MID1: variants seen among roughly 807,000 people sequenced by gnomAD.
MID1 encodes the protein E3 ubiquitin-protein ligase Midline-1.
A neutral mutation model predicts 40.4 loss-of-function variants in MID1; 7 were observed. The ratio of observed to expected loss-of-function variants is 0.17; its 90% CI spans 0.10 to 0.33. The LOEUF (loss-of-function observed/expected upper bound fraction) is 0.33. Among genes scored for constraint, MID1 ranks in the 10% least tolerant of loss-of-function variants. The pLI, the probability that MID1 is intolerant of heterozygous loss-of-function variation, is 1.00. For missense variants in MID1, 367 were observed against 558.5 expected, an observed-to-expected ratio of 0.66 and a Z score of 3.46; for synonymous variants, 229 against 221.2, an observed-to-expected ratio of 1.04 and a Z score of -0.31.
At chrX:10,653,191 C>T (rs944738014) in intron 1 of MID1, among the ~76,000 whole-genome samples, 1 of 112,224 alleles carries the variant, frequency 8.9e-6, no homozygotes, top group African/African-American at 3.2e-5. Flanking sequence ...TACACTTCCC[C>T]GTAGCTTCCT....
intron 1 of MID1, among the ~76,000 whole-genome samples, chrX:10,640,485 C>T (rs944708898): frequency 9.0e-6 from 1 of 111,321 alleles, no homozygotes; most frequent in African/African-American, 3.3e-5. Context: ...TATATATGCA[C>T]CCAATACAGG....
rs1451062351 is a variant in MID1, at chrX:10,448,963, A to G, written c.*405T>C. ...TACCATGGGATCATCATGGGATATCAGGTAAGAAGATGAGTAACATACAAA... is the reference window on the plus strand; with the variant it reads ...TACCATGGGATCATCATGGGATATCGGGTAAGAAGATGAGTAACATACAAA... On this transcript the variant is annotated 3_prime_UTR_variant, in exon 10 of 10. Coordinates refer to ENST00000317552, the MANE Select transcript of MID1 (RefSeq NM_000381.4). The G allele has an allele frequency of 1.5e-5, 2 of 136,662 alleles. No individual in the cohort carries two copies. The highest frequency in any genetic ancestry group is 2.9e-5 in the Non-Finnish European group (2 of 68,165). 11.3% of individuals were successfully genotyped at this position (136,662 alleles called of 1,213,427 possible). A position where few individuals can be genotyped will look rare whatever the true frequency, so the allele number is the denominator to read the frequency against.
At chrX:10,701,627 A>C (rs1442324641) in intron 1 of MID1, among the ~76,000 whole-genome samples, 1 of 112,463 alleles carries the variant, frequency 8.9e-6, no homozygotes, top group Non-Finnish European at 1.9e-5. Flanking sequence ...ACACTTGCTT[A>C]TTTGTGTGCC....
chrX:10,704,105 A>G (rs1408052231), intron 1 of MID1, among the ~76,000 whole-genome samples: 2 of 112,283 alleles, frequency 1.8e-5, no homozygotes, highest in Non-Finnish European at 3.8e-5. Flanking sequence ...AAGAACATGT[A>G]AGTGAATGTT....
intron 1 of MID1, among the ~76,000 whole-genome samples, chrX:10,699,950 G>A (rs2147081824): frequency 9.2e-6 from 1 of 109,288 alleles, no homozygotes; most frequent in Admixed American, 9.8e-5. Flanking sequence ...AGCCACCCGA[G>A]TAGCTGGGAT....
intron 2 of MID1, among the ~76,000 whole-genome samples, chrX:10,564,169 G>A (rs920743252): frequency 8.9e-6 from 1 of 111,799 alleles, no homozygotes; most frequent in Non-Finnish European, 1.9e-5. Flanking sequence ...TGAGATCCTA[G>A]AGCTACAGAA....
At chrX:10,690,462 A>C (rs758641865) in intron 1 of MID1, among the ~76,000 whole-genome samples, 17 of 112,473 alleles carry the variant, frequency 1.5e-4, no homozygotes, top group Middle Eastern at 4.6e-3. Context: ...CTTCTAAAAT[A>C]TGAATTCAAG....
chrX:10,820,876 G>T (rs984267116), intron 1 of MID1, among the ~76,000 whole-genome samples: 1 of 112,241 alleles, frequency 8.9e-6, no homozygotes, highest in African/African-American at 3.2e-5. Context: ...TCTGAAACAG[G>T]CCTGAAATGT....
intron 1 of MID1, among the ~76,000 whole-genome samples, chrX:10,681,728 G>A (rs928489885): frequency 2.7e-5 from 3 of 111,308 alleles, no homozygotes; most frequent in Non-Finnish European, 3.8e-5. Context: ...GAAAGTATGC[G>A]GGGGCGAATG....
intron 1 of MID1, among the ~76,000 whole-genome samples, chrX:10,602,449 C>G (rs1161072666): frequency 9.1e-6 from 1 of 109,657 alleles, no homozygotes; most frequent in Non-Finnish European, 1.9e-5. Context: ...AAAAGAAACC[C>G]CATACCCATT....
At chrX:10,628,062 C>T (rs1022918359) in intron 1 of MID1, among the ~76,000 whole-genome samples, 7 of 110,796 alleles carry the variant, frequency 6.3e-5, no homozygotes, top group Non-Finnish European at 1.3e-4. Context: ...TCCTTTGTTA[C>T]ACACAGATCA....
intron 1 of MID1, among the ~76,000 whole-genome samples, chrX:10,773,891 T>C (rs934318680): frequency 1.8e-5 from 2 of 112,058 alleles, no homozygotes; most frequent in Non-Finnish European, 3.8e-5. Flanking sequence ...ATAAAGAAGA[T>C]ACAGAACTCC....
intron 1 of MID1, among the ~76,000 whole-genome samples, chrX:10,825,836 C>A (rs1279685788): frequency 1.8e-5 from 2 of 111,607 alleles, no homozygotes; most frequent in East Asian, 5.6e-4. Flanking sequence ...AGCTCTTCTC[C>A]CTCCAGGCTT....
At chrX:10,587,858 C>T in intron 1 of MID1, among the ~76,000 whole-genome samples, 1 of 110,156 alleles carries the variant, frequency 9.1e-6, no homozygotes. Flanking sequence ...ACTAGATAAG[C>T]CAAATTTTAC....
chrX:10,665,180 T>C (rs943945705), intron 1 of MID1, among the ~76,000 whole-genome samples: 2 of 112,395 alleles, frequency 1.8e-5, no homozygotes, highest in African/African-American at 6.5e-5. Flanking sequence ...TGAAGACATC[T>C]AGGTCAAAGC....
intron 1 of MID1, among the ~76,000 whole-genome samples, chrX:10,602,504 C>T (rs1009961657): frequency 2.7e-5 from 3 of 110,678 alleles, no homozygotes; most frequent in South Asian, 3.8e-4. Context: ...CCGGCAACCA[C>T]GAATCTACTT....
intron 1 of MID1, among the ~76,000 whole-genome samples, chrX:10,714,808 C>A (rs926401812): frequency 1.8e-5 from 2 of 111,336 alleles, no homozygotes; most frequent in African/African-American, 6.5e-5. Context: ...CATAAGGGAA[C>A]AATATCATCA....
In MID1 at chrX:10,588,763, C is replaced by G. The variant is rs186651900; in HGVS notation, c.-56-21160G>C. On this transcript the variant is annotated intron_variant, in intron 1 of 9. Transcript: ENST00000317552. ...TTAACTACTGTGGGGGGAAGGGGAT[C>G]TAAAACCAGCTGTAACTGTCTCTGT... 7.2e-5 allele frequency among the ~76,000 whole-genome samples: 8 copies of G among 110,603 alleles called. No homozygotes were observed. In the East Asian group the frequency reaches 1.7e-3, roughly 24 times the overall value.
In MID1 at chrX:10,447,831, G is replaced by C. The variant is rs1489680956; in HGVS notation, c.*1537C>G. 8.9e-6 allele frequency: 1 copy of C among 111,917 alleles called. No homozygotes were observed. The highest frequency in any genetic ancestry group is 1.9e-5 in the Non-Finnish European group (1 of 53,223). The allele number at this position is 111,917 out of a possible 1,213,427, so 9.2% of individuals were successfully genotyped here. A position where few individuals can be genotyped will look rare whatever the true frequency, so the allele number is the denominator to read the frequency against. On this transcript the variant is annotated 3_prime_UTR_variant, in exon 10 of 10. Coordinates refer to ENST00000317552, the MANE Select transcript of MID1 (RefSeq NM_000381.4). ...ATTGACTTATTTCAGGGAGGCAGTT[G>C]GTTGATTTGGTTAAAAACAAAATAA... is the stretch of plus-strand genomic sequence containing the variant.
Sources: gnomAD v4.1 joint callset for allele counts (sites outside exome capture counted in the v4.1 genomes callset) on GRCh38, gnomAD v4.1.1 for gene constraint, MANE v1.5 for transcripts, NCBI Gene and HGNC (gene_info 2026-07-23, HGNC 2026-07-21) for gene names.